Variants in AK2 observed in about 807,000 individuals in gnomAD.
The protein encoded by AK2 is adenylate kinase 2.
Under a neutral mutation model 24.6 loss-of-function variants are expected in AK2, and 15 were observed. The ratio of observed to expected loss-of-function variants is 0.61; its 90% confidence interval spans 0.41 to 0.94. The LOEUF (loss-of-function observed/expected upper bound fraction) is 0.94. Ranked by LOEUF, AK2 falls within the 40% of genes least tolerant of loss-of-function variation. The pLI is 0.00. For synonymous variants in AK2, 102 were observed against 114.0 expected (o/e 0.90, Z 0.67); for missense variants, 257 against 304.1 (o/e 0.85, Z 1.15).
Position 33,021,823 on chromosome 1 carries a change from T to G in AK2, c.220-120A>C. On this transcript the variant is annotated intron_variant, in intron 2 of 5. Coordinates refer to ENST00000672715, the MANE Select transcript of AK2 (RefSeq NM_001625.4). The stretch of plus-strand genomic sequence containing the variant: ...CCTTATTACTAAACAGCAAGTTTTC[T>G]TGGACCCAAAGAAGCAAAAATAAAA... 3 of 772,002 alleles carry G rather than the reference T, an allele frequency of 3.9e-6. No individual in the cohort carries two copies. The Admixed American group carries it at 6.5e-5, about 17-fold the overall frequency. 47.8% of individuals were successfully genotyped at this position (772,002 alleles called of 1,614,324 possible).
chr1:33,020,951 C>T (rs1051224346), intron 4 of AK2, among the ~76,000 whole-genome samples: 2 of 151,804 alleles, frequency 1.3e-5, no homozygotes, highest in African/African-American at 2.4e-5. Context: ...CAAAACCAGC[C>T]GGGCCAACAT....
At chr1:33,016,456 CT>C (rs1639191890) in intron 4 of AK2, among the ~76,000 whole-genome samples, 1 of 152,008 alleles carries the variant, frequency 6.6e-6, no homozygotes, top group Non-Finnish European at 1.5e-5. Flanking sequence ...CGTGATCCAC[CT>C]GCCTCAGCCT....
In AK2 at chr1:33,011,094, C is replaced by T; in HGVS notation, c.*2087G>A. 2 of 1,437,020 alleles carry T rather than the reference C, an allele frequency of 1.4e-6. No individual in the cohort carries two copies. Among genetic ancestry groups the T allele is most frequent in the Non-Finnish European group, 9.1e-7 (1 of 1,100,684 alleles). 89.0% of individuals were successfully genotyped at this position (1,437,020 alleles called of 1,614,324 possible). A position where few individuals can be genotyped will look rare whatever the true frequency, so the allele number is the denominator to read the frequency against. Reference sequence around the variant, plus strand: ...ATGGGCAGCCCAAATATTACTTGTACATGTTGTATGCACACGTGAATCTAT... The same window carrying T: ...ATGGGCAGCCCAAATATTACTTGTATATGTTGTATGCACACGTGAATCTAT... On this transcript the variant is annotated 3_prime_UTR_variant, in exon 6 of 6. Coordinates refer to ENST00000672715, the MANE Select transcript of AK2 (RefSeq NM_001625.4).
intron 4 of AK2, among the ~76,000 whole-genome samples, chr1:33,016,443 C>T (rs1222902897): frequency 6.6e-6 from 1 of 152,020 alleles, no homozygotes; most frequent in African/African-American, 2.4e-5. Flanking sequence ...GATCTCCTGA[C>T]CTCGTGATCC....
chr1:33,019,603 C>T (rs903762607), intron 4 of AK2: 49 of 985,362 alleles, frequency 5.0e-5, no homozygotes, highest in Admixed American at 1.8e-4. Flanking sequence ...TATTTCATAT[C>T]GCTTTCCAGG....
At chr1:33,018,983 C>G (rs2124313495) in intron 4 of AK2, among the ~76,000 whole-genome samples, 1 of 152,338 alleles carries the variant, frequency 6.6e-6, no homozygotes, top group East Asian at 1.9e-4. Context: ...AAGCTCTTCT[C>G]AACAGCATTC....
rs1570178960 is a variant in AK2, at chr1:33,011,072, G to C, written c.*2109C>G. ...CCCTATGAATCTTCCAGTTCTTATGGGCAGCCCAAATATTACTTGTACATG... is the reference window on the plus strand; with the variant it reads ...CCCTATGAATCTTCCAGTTCTTATGCGCAGCCCAAATATTACTTGTACATG... On this transcript the variant is annotated 3_prime_UTR_variant, in exon 6 of 6. Transcript: ENST00000672715. The C allele has an allele frequency of 2.0e-6, 2 of 985,264 alleles. No individual in the cohort carries two copies. Among genetic ancestry groups the C allele is most frequent in the Non-Finnish European group, 2.4e-6 (2 of 829,934 alleles). 61.0% of individuals were successfully genotyped at this position (985,264 alleles called of 1,614,324 possible).
intron 4 of AK2, among the ~76,000 whole-genome samples, chr1:33,015,099 A>C (rs1639098165): frequency 1.3e-5 from 2 of 152,214 alleles, no homozygotes; most frequent in African/African-American, 4.8e-5. Flanking sequence ...AGGACAAAGA[A>C]ATGAACTCTA....
In AK2 at chr1:33,013,229, TA is replaced by T. The variant is rs1638947281; in HGVS notation, c.671del (p.Leu224GlnfsTer61). On this transcript the variant is annotated frameshift_variant, in exon 6 of 6. Coordinates refer to ENST00000672715, the MANE Select transcript of AK2 (RefSeq NM_001625.4). LOFTEE classifies it high-confidence loss of function. ...TACATGTGGCTTTGGAGAAGGCTGCTAGGATGCTTGCGAACACGACATCGGG... is the reference window on the plus strand; with the variant it reads ...TACATGTGGCTTTGGAGAAGGCTGCTGGATGCTTGCGAACACGACATCGGG... ...QTPDVVFASI[L>X]AAFSKATCKD... 6.2e-7 allele frequency: 1 copy of T among 1,613,956 alleles called. No individual in the cohort carries two copies.
chr1:33,028,285 T>C (rs1447189499), intron 1 of AK2, among the ~76,000 whole-genome samples: 1 of 152,028 alleles, frequency 6.6e-6, no homozygotes, highest in Non-Finnish European at 1.5e-5. Flanking sequence ...AGGCGGATCA[T>C]CTGAGGTCGG....
At position 33,026,851 on chromosome 1, in the gene AK2, C is replaced by T. The variant is rs377303676; in HGVS notation, c.94-2284G>A. On this transcript the variant is annotated intron_variant, in intron 1 of 5. Transcript: ENST00000672715. ...AAAAAACTCTGTACTCTGGGTTGGG[C>T]GCAGTGGCTCACACCTGTAATCCCA... is the stretch of plus-strand genomic sequence containing the variant. Among the ~76,000 whole-genome samples the T allele has an allele frequency of 1.4e-4, 19 of 140,270 alleles. 1 individual carries two copies. In the East Asian group the frequency reaches 2.7e-3, roughly 20 times the overall value. The allele number at this position is 140,270 out of a possible 152,430, so 92.0% of individuals were successfully genotyped here.
In AK2 at chr1:33,008,028, T is replaced by G. The variant is rs1303281852; in HGVS notation, c.*5153A>C. ...TAATATGTTAGACTATTATTAATTATGAAAACACATAAAGAATTCTGCATA... is the reference window on the plus strand; with the variant it reads ...TAATATGTTAGACTATTATTAATTAGGAAAACACATAAAGAATTCTGCATA... On this transcript the variant is annotated 3_prime_UTR_variant, in exon 6 of 6. Coordinates refer to ENST00000672715, the MANE Select transcript of AK2 (RefSeq NM_001625.4). 1 of 454,016 alleles carries G rather than the reference T, an allele frequency of 2.2e-6. No individual in the cohort carries two copies. The highest frequency in any genetic ancestry group is 4.4e-6 in the Non-Finnish European group (1 of 226,808). The allele number at this position is 454,016 out of a possible 1,614,324, so 28.1% of individuals were successfully genotyped here.
chr1:33,015,079 T>C (rs1323129937), intron 4 of AK2, among the ~76,000 whole-genome samples: 3 of 152,132 alleles, frequency 2.0e-5, no homozygotes, highest in Non-Finnish European at 4.4e-5. Context: ...CAAAGTGCTA[T>C]GGGGGACAGA....
intron 2 of AK2, 111 bp from the exon 3 acceptor site, chr1:33,021,814 C>T: frequency 3.7e-6 from 3 of 817,782 alleles, no homozygotes; most frequent in Non-Finnish European, 6.2e-6. Flanking sequence ...TACTAAACAG[C>T]AAGTTTTCTT....
chr1:33,008,756 C>A lies in AK2; in HGVS notation c.*4425G>T, dbSNP rs1016021666. The A allele has an allele frequency of 4.4e-6, 2 of 453,976 alleles. No individual in the cohort carries two copies. Among genetic ancestry groups the A allele is most frequent in the African/African-American group, 4.0e-5 (2 of 49,996 alleles). The allele number at this position is 453,976 out of a possible 1,614,324, so 28.1% of individuals were successfully genotyped here. A position where few individuals can be genotyped will look rare whatever the true frequency, so the allele number is the denominator to read the frequency against. ...GAGGGTTACGTGAAGTCGAGGGTTACATGAAGCCTTTGCATAATACCTGGC... is the reference window on the plus strand; with the variant it reads ...GAGGGTTACGTGAAGTCGAGGGTTAAATGAAGCCTTTGCATAATACCTGGC... On this transcript the variant is annotated 3_prime_UTR_variant, in exon 6 of 6. Transcript: ENST00000672715.
chr1:33,022,661 G>A (rs1241735547), intron 2 of AK2, among the ~76,000 whole-genome samples: 1 of 151,950 alleles, frequency 6.6e-6, no homozygotes, highest in African/African-American at 2.4e-5. Flanking sequence ...CCAGCCCTAA[G>A]CCAATATACT....
rs773879121 is a variant in AK2, at chr1:33,021,730, G to A, written c.220-27C>T. The A allele has an allele frequency of 3.9e-5, 61 of 1,571,948 alleles. 1 individual carries two copies. The South Asian group carries it at 6.4e-4, about 17-fold the overall frequency. On this transcript the variant is annotated intron_variant, in intron 2 of 5. Transcript: ENST00000672715. Reference sequence around the variant, plus strand: ...TGGAAGTTAGGAACAAAATAGCCTTGGGTTTAAATCCATTACCTAGGTGAC... The same window carrying A: ...TGGAAGTTAGGAACAAAATAGCCTTAGGTTTAAATCCATTACCTAGGTGAC...
In AK2 at chr1:33,011,561, AG is replaced by A. The variant is rs1638821495; in HGVS notation, c.*1619del. The A allele has an allele frequency of 7.8e-7, 1 of 1,287,588 alleles. No homozygotes were observed. Among genetic ancestry groups the A allele is most frequent in the Non-Finnish European group, 1.0e-6 (1 of 989,040 alleles). The allele number at this position is 1,287,588 out of a possible 1,614,324, so 79.8% of individuals were successfully genotyped here. Reference sequence around the variant, plus strand: ...AGATGGCAGGAGAGCTCAGGTCAGGAGGCTGGGCACTTTAGAGTCCACTGAA... The same window carrying A: ...AGATGGCAGGAGAGCTCAGGTCAGGAGCTGGGCACTTTAGAGTCCACTGAA... On this transcript the variant is annotated 3_prime_UTR_variant, in exon 6 of 6. Coordinates refer to ENST00000672715, the MANE Select transcript of AK2 (RefSeq NM_001625.4).
chr1:33,024,897 G>C (rs1219208920), intron 1 of AK2, among the ~76,000 whole-genome samples: 1 of 152,062 alleles, frequency 6.6e-6, no homozygotes, highest in East Asian at 1.9e-4. Flanking sequence ...ATTATAAATG[G>C]GAAGACTTGC....
Sources: gnomAD v4.1 joint callset for allele counts (sites outside exome capture counted in the v4.1 genomes callset) on GRCh38, gnomAD v4.1.1 for gene constraint, MANE v1.5 for transcripts, NCBI Gene and HGNC (gene_info 2026-07-23, HGNC 2026-07-21) for gene names.